The following TPP2 variants were observed in gnomAD, a reference collection of about 807,000 sequenced individuals.
The protein encoded by TPP2 is tripeptidyl peptidase 2.
A neutral mutation model predicts 155.9 loss-of-function variants in TPP2; 34 were observed. The observed-to-expected ratio is 0.22, with a 90% CI of 0.17 to 0.29. The LOEUF is 0.29. Ranked by LOEUF, TPP2 falls within the 10% of genes least tolerant of loss-of-function variation. TPP2 has a pLI of 1.00. For synonymous variants in TPP2, 510 were observed against 529.4 expected (o/e 0.96, Z 0.50); for missense variants, 1,028 against 1,522.3 (o/e 0.68, Z 5.40).
At chr13:102,672,177 C>T (rs1472366632) in intron 27 of TPP2, among the ~76,000 whole-genome samples, 1 of 152,182 alleles carries the variant, frequency 6.6e-6, no homozygotes, top group African/African-American at 2.4e-5. Context: ...AGTGAAACAG[C>T]AGGCTAGGGA....
chr13:102,619,606 A>G (rs1881006276), intron 5 of TPP2, among the ~76,000 whole-genome samples: 1 of 152,142 alleles, frequency 6.6e-6, no homozygotes, highest in Non-Finnish European at 1.5e-5. Context: ...TTCACAGTGC[A>G]CCCTTCTTAA....
In TPP2 at chr13:102,645,080, A is replaced by C. The variant is rs1057034971; in HGVS notation, c.2393+71A>C. 10 of 1,426,832 alleles carry C rather than the reference A, an allele frequency of 7.0e-6. No individual in the cohort carries two copies. In the African/African-American group the frequency reaches 9.2e-5, roughly 13 times the overall value. 88.4% of individuals were successfully genotyped at this position (1,426,832 alleles called of 1,614,324 possible). A position where few individuals can be genotyped will look rare whatever the true frequency, so the allele number is the denominator to read the frequency against. On this transcript the variant is annotated intron_variant, in intron 19 of 29. Coordinates refer to ENST00000376052, the MANE Select transcript of TPP2 (RefSeq NM_001330588.2). ...GGGGGATCTCTTACACTCTTAAAAA[A>C]GGGCCTTTTTTTTTTTTAATCCACC...
chr13:102,657,135 C>A lies in TPP2; in HGVS notation c.3071C>A (p.Ser1024Ter). The A allele has an allele frequency of 2.5e-6, 4 of 1,589,158 alleles. No individual in the cohort carries two copies. The highest frequency in any genetic ancestry group is 2.3e-5 in the East Asian group (1 of 42,808). ...GGCAGCAAAGATAAGGAAAAAGATT[C>A]AGAAAAAGAGAAAGATTTAAAAGAA... ...KNGSKDKEKD[S>*]EKEKDLKEEF... Residue 1024 changes from serine (S) to a stop codon, truncating the protein, a stop_gained, in exon 25 of 30, where the codon TCA becomes TAA. Coordinates refer to ENST00000376052, the MANE Select transcript of TPP2 (RefSeq NM_001330588.2). LOFTEE classifies it high-confidence loss of function.
intron 24 of TPP2, among the ~76,000 whole-genome samples, chr13:102,652,975 A>T (rs1235411386): frequency 6.6e-6 from 1 of 152,242 alleles, no homozygotes; most frequent in Admixed American, 6.5e-5. Context: ...ACTTATCACG[A>T]AGGCCATAGC....
At chr13:102,605,133 G>A (rs1425772207) in intron 2 of TPP2, among the ~76,000 whole-genome samples, 2 of 152,180 alleles carry the variant, frequency 1.3e-5, no homozygotes, top group African/African-American at 4.8e-5. Context: ...GGTTCCAGTC[G>A]CCCTGGAGGT....
intron 11 of TPP2, among the ~76,000 whole-genome samples, 191 bp downstream of exon 11, chr13:102,634,289 C>A (rs536646351): frequency 8.6e-5 from 13 of 152,044 alleles, no homozygotes; most frequent in Admixed American, 4.6e-4. Flanking sequence ...GTTGGCTGTC[C>A]GCTGTTAACG....
chr13:102,643,853 T>G (rs910897753), intron 17 of TPP2, among the ~76,000 whole-genome samples: 3 of 152,238 alleles, frequency 2.0e-5, no homozygotes. Context: ...TGACTAGTCT[T>G]TCTTCCATAG....
At chr13:102,643,744 A>G (rs1441757243) in intron 17 of TPP2, among the ~76,000 whole-genome samples, 1 of 152,208 alleles carries the variant, frequency 6.6e-6, no homozygotes, top group African/African-American at 2.4e-5. Context: ...TTGTTAAGCT[A>G]TGAGGCTAAT....
intron 27 of TPP2, among the ~76,000 whole-genome samples, chr13:102,669,674 A>G (rs1422746746): frequency 6.6e-6 from 1 of 152,134 alleles, no homozygotes; most frequent in Non-Finnish European, 1.5e-5. Flanking sequence ...TTGCAGGATA[A>G]TTTGTTTAGT....
chr13:102,638,627 T>C (rs605753), intron 15 of TPP2, among the ~76,000 whole-genome samples: 75,271 of 151,920 alleles, frequency 0.5, 19,060 homozygotes, highest in African/African-American at 0.6. Flanking sequence ...GATCCCACTG[T>C]AGTATTTGAC....
At chr13:102,661,080 G>T (rs1884178577) in intron 25 of TPP2, among the ~76,000 whole-genome samples, 1 of 148,254 alleles carries the variant, frequency 6.7e-6, no homozygotes, top group African/African-American at 2.5e-5. Flanking sequence ...GATTTTTAAA[G>T]ATACCAAAAG....
intron 27 of TPP2, among the ~76,000 whole-genome samples, chr13:102,672,853 A>G (rs1885067370): frequency 6.6e-6 from 1 of 152,212 alleles, no homozygotes; most frequent in African/African-American, 2.4e-5. Flanking sequence ...AACAAGCAGT[A>G]CCCAGAAACA....
At chr13:102,672,361 G>A (rs946484329) in intron 27 of TPP2, among the ~76,000 whole-genome samples, 12 of 152,162 alleles carry the variant, frequency 7.9e-5, no homozygotes, top group African/African-American at 2.9e-4. Context: ...CAGAGGTTGG[G>A]TTTTGGGGAC....
At position 102,625,149 on chromosome 13, in the gene TPP2, C is replaced by T. The variant is rs574206450; in HGVS notation, c.785-1863C>T. Among the ~76,000 whole-genome samples the T allele has an allele frequency of 7.8e-5, 11 of 140,410 alleles. No homozygotes were observed. The South Asian group carries it at 1.4e-3, about 17-fold the overall frequency. 92.1% of individuals were successfully genotyped at this position (140,410 alleles called of 152,430 possible). A position where few individuals can be genotyped will look rare whatever the true frequency, so the allele number is the denominator to read the frequency against. ...CTGAGATTATAGGTGTGAGCCACCA[C>T]GCCCGGCCACTTAACTTTTTTTTTT... On this transcript the variant is annotated intron_variant, in intron 6 of 29. Transcript: ENST00000376052.
chr13:102,604,486 G>A (rs1021002968), intron 1 of TPP2, among the ~76,000 whole-genome samples: 5 of 152,000 alleles, frequency 3.3e-5, no homozygotes, highest in African/African-American at 9.7e-5. Context: ...CTATAAGATC[G>A]TCAGGGATTT....
chr13:102,627,552 A>G (rs1207535531), intron 7 of TPP2, among the ~76,000 whole-genome samples: 4 of 151,864 alleles, frequency 2.6e-5, no homozygotes, highest in Non-Finnish European at 5.9e-5. Flanking sequence ...GTGATTTTTT[A>G]ACCTAGGAAG....
chr13:102,638,354 A>G, intron 15 of TPP2, 39 bp downstream of exon 15: 1 of 1,580,284 alleles, frequency 6.3e-7, no homozygotes, highest in Non-Finnish European at 8.7e-7. Flanking sequence ...GGTACATCTA[A>G]GATTTTAATG....
chr13:102,615,035 G>A lies in TPP2; in HGVS notation c.390+839G>A, dbSNP rs541406513. Among the ~76,000 whole-genome samples the A allele has an allele frequency of 2.4e-4, 37 of 152,306 alleles. No homozygotes were observed. The South Asian group carries it at 7.0e-3, about 29-fold the overall frequency. On this transcript the variant is annotated intron_variant, in intron 3 of 29. Transcript: ENST00000376052. ...GTAAAATAAGGTATAATCCTGGGAA[G>A]TGAGCTTGATGGATAAGATGTGTGG...
chr13:102,663,748 A>G lies in TPP2; in HGVS notation c.3240+4A>G. On this transcript the variant is annotated splice_donor_region_variant and intron_variant, in intron 26 of 29. Transcript: ENST00000376052. Reference sequence around the variant, plus strand: ...TCATCAATTGGATGCTGAAAAGGTTAGACATGTTCATTCTGATATATCTTA... The same window carrying G: ...TCATCAATTGGATGCTGAAAAGGTTGGACATGTTCATTCTGATATATCTTA... 1 of 1,583,868 alleles carries G rather than the reference A, an allele frequency of 6.3e-7. No homozygotes were observed. The highest frequency in any genetic ancestry group is 1.2e-5 in the South Asian group (1 of 84,988).
Sources: gnomAD v4.1 joint callset for allele counts (sites outside exome capture counted in the v4.1 genomes callset) on GRCh38, gnomAD v4.1.1 for gene constraint, MANE v1.5 for transcripts, NCBI Gene and HGNC (gene_info 2026-07-23, HGNC 2026-07-21) for gene names.